ZNF674: variants seen among roughly 807,000 people sequenced by gnomAD.
ZNF674 encodes the protein zinc finger family member 674.
ZNF674 carries 2 observed loss-of-function variants against 7.0 expected under a neutral mutation model. That is an observed-to-expected ratio of 0.29 (90% CI 0.12 to 0.90). The LOEUF is 0.90. ZNF674 is among the 40% of genes least tolerant of loss of function. The pLI is 0.57. For synonymous variants in ZNF674, 103 were observed against 145.2 expected (o/e 0.71, Z 2.09); for missense variants, 297 against 415.5 (o/e 0.71, Z 2.48).
chrX:46,505,530 G>C (rs1031600341), intron 5 of ZNF674, among the ~76,000 whole-genome samples: 1 of 111,594 alleles, frequency 9.0e-6, no homozygotes, highest in East Asian at 2.8e-4. Flanking sequence ...CAGCGCTTTG[G>C]GGGGCCGAGG....
chrX:46,531,705 C>T (rs1374310380), intron 3 of ZNF674, among the ~76,000 whole-genome samples: 2 of 111,201 alleles, frequency 1.8e-5, no homozygotes, highest in Non-Finnish European at 3.8e-5. Context: ...TAGTCACACA[C>T]AGCTAAATAT....
intron 5 of ZNF674, among the ~76,000 whole-genome samples, chrX:46,515,356 G>A (rs1320283008): frequency 1.1e-5 from 1 of 93,614 alleles, no homozygotes; most frequent in African/African-American, 3.9e-5. Context: ...GTGACAGAGC[G>A]AGACTCTCTC....
chrX:46,510,168 T>C lies in ZNF674; in HGVS notation c.239-8833A>G, dbSNP rs1197334189. On this transcript the variant is annotated intron_variant, in intron 5 of 5. Transcript: ENST00000683375. Reference sequence around the variant, plus strand: ...GTGGGGGGAGGGGGGAGGGATAGCATTGGGAGATATACCTAATGCTAAATG... The same window carrying C: ...GTGGGGGGAGGGGGGAGGGATAGCACTGGGAGATATACCTAATGCTAAATG... Among the ~76,000 whole-genome samples, 8 of 100,480 alleles carry C rather than the reference T, an allele frequency of 8.0e-5. No homozygotes were observed. In the East Asian group the frequency reaches 1.8e-3, roughly 23 times the overall value. The allele number at this position is 100,480 out of a possible 115,157, so 87.3% of individuals were successfully genotyped here. A position where few individuals can be genotyped will look rare whatever the true frequency, so the allele number is the denominator to read the frequency against.
intron 5 of ZNF674, chrX:46,523,019 T>C (rs976645217): frequency 3.5e-5 from 5 of 143,109 alleles, no homozygotes; most frequent in Non-Finnish European, 7.0e-5. Context: ...GTTCTCAACC[T>C]GAGTGGTGAT....
intron 2 of ZNF674, among the ~76,000 whole-genome samples, chrX:46,543,993 GA>G (rs1157265470): frequency 8.8e-6 from 1 of 113,012 alleles, no homozygotes; most frequent in Non-Finnish European, 1.9e-5. Flanking sequence ...CTCAAATTCA[GA>G]AATAGCCAAT....
Position 46,521,745 on chromosome X carries a change from C to T in ZNF674, c.238+6605G>A, listed in dbSNP as rs185815257. On this transcript the variant is annotated intron_variant, in intron 5 of 5. Coordinates refer to ENST00000683375, the MANE Select transcript of ZNF674 (RefSeq NM_001190417.2). Reference sequence around the variant, plus strand: ...CTCTACTAAAAATACAAAAATTAGCCGGGTATGGTGGCACATGCCTGCAAT... The same window carrying T: ...CTCTACTAAAAATACAAAAATTAGCTGGGTATGGTGGCACATGCCTGCAAT... Among the ~76,000 whole-genome samples, 197 of 108,578 alleles carry T rather than the reference C, an allele frequency of 1.8e-3. 4 individuals are homozygous for T. In the South Asian group the frequency reaches 0.033, roughly 18 times the overall value. The allele number at this position is 108,578 out of a possible 115,157, so 94.3% of individuals were successfully genotyped here. A position where few individuals can be genotyped will look rare whatever the true frequency, so the allele number is the denominator to read the frequency against.
At chrX:46,507,578 A>G (rs748893481) in intron 5 of ZNF674, among the ~76,000 whole-genome samples, 23 of 111,774 alleles carry the variant, frequency 2.1e-4, no homozygotes, top group Admixed American at 1.9e-3. Flanking sequence ...TTGAGTATCA[A>G]TGGATTCTGG....
chrX:46,532,690 G>A (rs769812478), intron 3 of ZNF674, among the ~76,000 whole-genome samples: 3 of 111,190 alleles, frequency 2.7e-5, no homozygotes, highest in East Asian at 2.8e-4. Context: ...ATCATTCCTC[G>A]GCCTGGCCCA....
intron 5 of ZNF674, among the ~76,000 whole-genome samples, chrX:46,518,817 C>T (rs888691057): frequency 7.5e-5 from 8 of 107,379 alleles, no homozygotes; most frequent in Non-Finnish European, 1.1e-4. Context: ...ACCCGGAAGG[C>T]GGAGTTTGCA....
chrX:46,519,263 TAA>T (rs376743250), intron 5 of ZNF674, among the ~76,000 whole-genome samples: 237 of 56,439 alleles, frequency 4.2e-3, no homozygotes, highest in African/African-American at 4.8e-3. Flanking sequence ...GATAGATAGA[TAA>T]AGATAGATGA....
At position 46,508,264 on chromosome X, in the gene ZNF674, A is replaced by T. The variant is rs763145318; in HGVS notation, c.239-6929T>A. ...TGGTTTTGAAAATGACTAGTATCAA[A>T]CTCTCATGAAACTAAATTTCAGTCA... is the stretch of plus-strand genomic sequence containing the variant. On this transcript the variant is annotated intron_variant, in intron 5 of 5. Transcript: ENST00000683375. Among the ~76,000 whole-genome samples the T allele has an allele frequency of 2.7e-5, 3 of 111,526 alleles. No individual in the cohort carries two copies. The Admixed American group carries it at 2.9e-4, about 11-fold the overall frequency.
chrX:46,532,860 C>CA (rs897357725), intron 3 of ZNF674, among the ~76,000 whole-genome samples: 1 of 111,666 alleles, frequency 9.0e-6, no homozygotes, highest in Non-Finnish European at 1.9e-5. Flanking sequence ...ATAAAAATCA[C>CA]AAAAAAAGTC....
chrX:46,519,169 C>T (rs1419510255), intron 5 of ZNF674, among the ~76,000 whole-genome samples: 1 of 108,269 alleles, frequency 9.2e-6, no homozygotes, highest in Non-Finnish European at 1.9e-5. Flanking sequence ...CACCACTGCA[C>T]TCCAGCCTGG....
chrX:46,511,794 C>T (rs191621843), intron 5 of ZNF674, among the ~76,000 whole-genome samples: 89 of 111,537 alleles, frequency 8.0e-4, no homozygotes, highest in African/African-American at 2.8e-3. Flanking sequence ...GAGGCCGAGG[C>T]AGGTGGATCA....
chrX:46,520,567 G>A (rs1001624016), intron 5 of ZNF674, among the ~76,000 whole-genome samples: 5 of 111,237 alleles, frequency 4.5e-5, no homozygotes, highest in Admixed American at 2.9e-4. Flanking sequence ...GGTACATTAC[G>A]ATCTCTTTGT....
In ZNF674 at chrX:46,499,459, C is replaced by T. The variant is rs376664852; in HGVS notation, c.*384G>A. ...GATTACAGGTGTGAGCTACGTACCACGCCTGGCTACCATGGTTTTATAAGC... is the reference window on the plus strand; with the variant it reads ...GATTACAGGTGTGAGCTACGTACCATGCCTGGCTACCATGGTTTTATAAGC... On this transcript the variant is annotated 3_prime_UTR_variant, in exon 6 of 6. Transcript: ENST00000683375. 5.0e-5 allele frequency: 6 copies of T among 120,326 alleles called. No homozygotes were observed. Among genetic ancestry groups the T allele is most frequent in the East Asian group, 2.6e-4 (1 of 3,894 alleles). 9.9% of individuals were successfully genotyped at this position (120,326 alleles called of 1,213,427 possible). A position where few individuals can be genotyped will look rare whatever the true frequency, so the allele number is the denominator to read the frequency against.
At chrX:46,513,966 G>A (rs1941712317) in intron 5 of ZNF674, among the ~76,000 whole-genome samples, 1 of 111,236 alleles carries the variant, frequency 9.0e-6, no homozygotes, top group South Asian at 3.8e-4. Context: ...TCTGAAGGCT[G>A]AGGCAGAAGG....
Position 46,499,974 on chromosome X carries a change from T to C in ZNF674, c.1600A>G (p.Thr534Ala), listed in dbSNP as rs1242344904. ...TGAGTTCTGTGATGCACAATGAGAGTTGATTTCACACTGAAGGCCTTCCCA... is the reference window on the plus strand; with the variant it reads ...TGAGTTCTGTGATGCACAATGAGAGCTGATTTCACACTGAAGGCCTTCCCA... The part of the protein sequence containing the change: ...ECGKAFSVKS[T>A]LIVHHRTHTG... Residue 534 changes from threonine (T) to alanine (A), a missense_variant, in exon 6 of 6, where the codon ACT becomes GCT. Coordinates refer to ENST00000683375, the MANE Select transcript of ZNF674 (RefSeq NM_001190417.2). 12 of 1,200,234 alleles carry C rather than the reference T, an allele frequency of 1.0e-5. No individual in the cohort carries two copies. In the Middle Eastern group the frequency reaches 7.0e-4, roughly 70 times the overall value.
chrX:46,523,333 ATTTC>A (rs1186213504), intron 5 of ZNF674: 3 of 121,006 alleles, frequency 2.5e-5, no homozygotes, highest in African/African-American at 9.7e-5. Flanking sequence ...ATTTTATTTT[ATTTC>A]TTTATTTTTT....
Sources: gnomAD v4.1 joint callset for allele counts (sites outside exome capture counted in the v4.1 genomes callset) on GRCh38, gnomAD v4.1.1 for gene constraint, MANE v1.5 for transcripts, NCBI Gene and HGNC (gene_info 2026-07-23, HGNC 2026-07-21) for gene names.